The following PCDHGB2 variants were observed in gnomAD, a reference collection of about 807,000 sequenced individuals.
The protein encoded by PCDHGB2 is protocadherin gamma subfamily B, 2.
PCDHGB2 carries 55 observed loss-of-function variants against 59.3 expected under a neutral mutation model. The observed-to-expected ratio is 0.93, with a 90% CI of 0.75 to 1.16. The LOEUF (loss-of-function observed/expected upper bound fraction) is 1.16. Ranked by LOEUF, PCDHGB2 falls within the 50% of genes most tolerant of loss-of-function variation. The pLI is 0.00. For synonymous variants in PCDHGB2, 516 were observed against 512.0 expected (o/e 1.01, Z -0.11); for missense variants, 1,228 against 1,198.5 (o/e 1.02, Z -0.36).
At chr5:141,380,197 G>A (rs1222877039) in intron 1 of PCDHGB2, among the ~76,000 whole-genome samples, 1 of 152,144 alleles carries the variant, frequency 6.6e-6, no homozygotes, top group East Asian at 1.9e-4. Flanking sequence ...ACTGAGCCCG[G>A]CCTGAAAGGC....
chr5:141,433,914 C>A (rs2097664630), intron 1 of PCDHGB2, among the ~76,000 whole-genome samples: 1 of 151,702 alleles, frequency 6.6e-6, no homozygotes, highest in Admixed American at 6.6e-5. Context: ...TTACAATCAC[C>A]TCCAAATGAA....
chr5:141,489,641 C>T lies in PCDHGB2; in HGVS notation c.2422-5166C>T, dbSNP rs1356716387. On this transcript the variant is annotated intron_variant, in intron 1 of 3. Coordinates refer to ENST00000522605, the MANE Select transcript of PCDHGB2 (RefSeq NM_018923.3). This position sits in a 1 kb window ranked among gnomAD's most constrained non-coding sequence, Gnocchi z 4.5. The stretch of plus-strand genomic sequence containing the variant: ...CTCAATGACAACTCTCCTAGCTTTG[C>T]CACCCCTGAGCGAGAGATGCGCATC... The T allele has an allele frequency of 2.5e-6, 4 of 1,614,008 alleles. No individual in the cohort carries two copies. The highest frequency in any genetic ancestry group is 3.4e-6 in the Non-Finnish European group (4 of 1,180,012).
intron 1 of PCDHGB2, among the ~76,000 whole-genome samples, chr5:141,454,900 C>T (rs1411402448): frequency 1.4e-5 from 2 of 145,486 alleles, no homozygotes; most frequent in African/African-American, 2.6e-5. Flanking sequence ...CACCGCCTCC[C>T]GGGTTCACGC....
chr5:141,364,680 A>G (rs751537197), intron 1 of PCDHGB2: 1 of 1,614,008 alleles, frequency 6.2e-7, no homozygotes, highest in Non-Finnish European at 8.5e-7. Flanking sequence ...ATGAAAATTT[A>G]TGGAGTAGAA....
intron 1 of PCDHGB2, chr5:141,421,253 A>G: frequency 6.2e-7 from 1 of 1,607,298 alleles, no homozygotes; most frequent in South Asian, 1.1e-5. Context: ...CAGCGCGGGG[A>G]CCGCAGTCGG....
intron 1 of PCDHGB2, among the ~76,000 whole-genome samples, chr5:141,456,790 C>T (rs1364747385): frequency 6.6e-6 from 1 of 151,976 alleles, no homozygotes; most frequent in Admixed American, 6.6e-5. Flanking sequence ...TGGCAAAACC[C>T]CATCTCTACT....
intron 1 of PCDHGB2, chr5:141,414,552 C>G: frequency 6.2e-7 from 1 of 1,613,984 alleles, no homozygotes; most frequent in Non-Finnish European, 8.5e-7. Context: ...TCTCTCAAGT[C>G]TCCTACTTTA....
intron 1 of PCDHGB2, among the ~76,000 whole-genome samples, chr5:141,462,355 A>T (rs1592773702): frequency 6.6e-6 from 1 of 152,226 alleles, no homozygotes; most frequent in East Asian, 1.9e-4. Context: ...AAAAATATAC[A>T]TTGTATAGTT....
chr5:141,409,178 G>C, intron 1 of PCDHGB2: 1 of 1,613,994 alleles, frequency 6.2e-7, no homozygotes, highest in Non-Finnish European at 8.5e-7. Context: ...GGACGGAGGT[G>C]GTCTCTCTAC....
At position 141,491,067 on chromosome 5, in the gene PCDHGB2, G is replaced by T. The variant is rs752758445; in HGVS notation, c.2422-3740G>T. On this transcript the variant is annotated intron_variant, in intron 1 of 3. Transcript: ENST00000522605. The surrounding 1 kb of genome is among the most constrained non-coding windows in gnomAD (Gnocchi z 6.9). Reference sequence around the variant, plus strand: ...ACAATGCGTGGCTCTCCTACTCACTGTTGCCACAGTCCACAGCCCCAGGAC... The same window carrying T: ...ACAATGCGTGGCTCTCCTACTCACTTTTGCCACAGTCCACAGCCCCAGGAC... 1.2e-6 allele frequency: 2 copies of T among 1,614,200 alleles called. No homozygotes were observed. The highest frequency in any genetic ancestry group is 1.7e-6 in the Non-Finnish European group (2 of 1,180,040).
chr5:141,486,489 G>T lies in PCDHGB2; in HGVS notation c.2422-8318G>T. 2 of 1,614,060 alleles carry T rather than the reference G, an allele frequency of 1.2e-6. No homozygotes were observed. The highest frequency in any genetic ancestry group is 1.7e-6 in the Non-Finnish European group (2 of 1,179,892). ...GGGAACCCTCCTCTCAGTACCCACA[G>T]AACTATTTTCCTCAATATTTCAGAT... On this transcript the variant is annotated intron_variant, in intron 1 of 3. Coordinates refer to ENST00000522605, the MANE Select transcript of PCDHGB2 (RefSeq NM_018923.3). The surrounding 1 kb of genome is among the most constrained non-coding windows in gnomAD (Gnocchi z 5.0).
intron 3 of PCDHGB2, 46 bp from the exon 4 acceptor site, chr5:141,510,901 A>G: frequency 1.9e-6 from 3 of 1,613,412 alleles, no homozygotes; most frequent in African/African-American, 2.7e-5. Flanking sequence ...GTGACTGTTG[A>G]GGACCCTAAG....
Position 141,361,379 on chromosome 5 carries a change from T to C in PCDHGB2, c.1244T>C (p.Ile415Thr). ...VTDGALDREE[I>T]PEYNLTITAT... Reference sequence around the variant, plus strand: ...GACGGCGCTCTGGACCGGGAGGAGATCCCAGAATACAATCTCACCATCACA... The same window carrying C: ...GACGGCGCTCTGGACCGGGAGGAGACCCCAGAATACAATCTCACCATCACA... The change falls in exon 1 of 4, where the codon ATC becomes ACC. Residue 415 changes from isoleucine (I) to threonine (T), a missense_variant. Physicochemically the swap from Ile to Thr is moderately conservative, Grantham distance 89. Around this residue, in one of 3 missense-constraint regions of PCDHGB2, gnomAD observed 781 missense variants for 721.6 expected, o/e 1.08. Coordinates refer to ENST00000522605, the MANE Select transcript of PCDHGB2 (RefSeq NM_018923.3). The C allele has an allele frequency of 6.2e-7, 1 of 1,613,918 alleles. No homozygotes were observed. Among genetic ancestry groups the C allele is most frequent in the South Asian group, 1.1e-5 (1 of 91,084 alleles).
chr5:141,439,310 A>G lies in PCDHGB2; in HGVS notation c.2422-55497A>G, dbSNP rs775009481. ...TCCATGGAAAAAGTAAAGCCCAGGCATGGAAGTGGGAATGGAAAGAAAGAT... is the reference window on the plus strand; with the variant it reads ...TCCATGGAAAAAGTAAAGCCCAGGCGTGGAAGTGGGAATGGAAAGAAAGAT... On this transcript the variant is annotated intron_variant, in intron 1 of 3. Transcript: ENST00000522605. 1.6e-4 allele frequency among the ~76,000 whole-genome samples: 24 copies of G among 152,320 alleles called. No homozygotes were observed. In the South Asian group the frequency reaches 4.1e-3, roughly 26 times the overall value.
Position 141,486,971 on chromosome 5 carries a change from T to G in PCDHGB2, c.2422-7836T>G. ...AAAGGTGACTGCTGTGGACTTGGAT[T>G]CAGGTTACAATGCTTGGGTTTCCTA... On this transcript the variant is annotated intron_variant, in intron 1 of 3. Transcript: ENST00000522605. The surrounding 1 kb of genome is among the most constrained non-coding windows in gnomAD (Gnocchi z 5.0). The G allele has an allele frequency of 6.2e-7, 1 of 1,614,220 alleles. No homozygotes were observed. The highest frequency in any genetic ancestry group is 8.5e-7 in the Non-Finnish European group (1 of 1,180,042).
intron 1 of PCDHGB2, among the ~76,000 whole-genome samples, chr5:141,397,737 C>T (rs2093564219): frequency 6.6e-6 from 1 of 152,164 alleles, no homozygotes. Flanking sequence ...GAGAAAGATA[C>T]CTTAAAGAAG....
At position 141,476,304 on chromosome 5, in the gene PCDHGB2, C is replaced by T. The variant is rs769790423; in HGVS notation, c.2422-18503C>T. On this transcript the variant is annotated intron_variant, in intron 1 of 3. Coordinates refer to ENST00000522605, the MANE Select transcript of PCDHGB2 (RefSeq NM_018923.3). The surrounding 1 kb of genome is among the most constrained non-coding windows in gnomAD (Gnocchi z 7.6). Reference sequence around the variant, plus strand: ...GGTTTGGATCTCGGTAGCCTCTCAGCCCGCAGGTTCCGGGTGGTGTCTGGA... The same window carrying T: ...GGTTTGGATCTCGGTAGCCTCTCAGTCCGCAGGTTCCGGGTGGTGTCTGGA... The T allele has an allele frequency of 6.2e-7, 1 of 1,613,746 alleles. No individual in the cohort carries two copies. Among genetic ancestry groups the T allele is most frequent in the Admixed American group, 1.7e-5 (1 of 59,988 alleles).
intron 1 of PCDHGB2, chr5:141,375,967 G>A (rs200712802): frequency 2.6e-5 from 42 of 1,613,250 alleles, no homozygotes; most frequent in Non-Finnish European, 3.5e-5. Flanking sequence ...AGGTGCGCAC[G>A]GCGCGCGCCC....
chr5:141,489,660 G>A lies in PCDHGB2; in HGVS notation c.2422-5147G>A, dbSNP rs763985085. 3 of 1,614,096 alleles carry A rather than the reference G, an allele frequency of 1.9e-6. No individual in the cohort carries two copies. Among genetic ancestry groups the A allele is most frequent in the Non-Finnish European group, 2.5e-6 (3 of 1,180,036 alleles). On this transcript the variant is annotated intron_variant, in intron 1 of 3. Coordinates refer to ENST00000522605, the MANE Select transcript of PCDHGB2 (RefSeq NM_018923.3). The surrounding 1 kb of genome is among the most constrained non-coding windows in gnomAD (Gnocchi z 4.5). Reference sequence around the variant, plus strand: ...GCTTTGCCACCCCTGAGCGAGAGATGCGCATCTCAGAATCAGCAGCATCTG... The same window carrying A: ...GCTTTGCCACCCCTGAGCGAGAGATACGCATCTCAGAATCAGCAGCATCTG...
Sources: gnomAD v4.1 joint callset for allele counts (sites outside exome capture counted in the v4.1 genomes callset) on GRCh38, gnomAD v4.1.1 for gene constraint, gnomAD v4.1.1 regional missense constraint, Gnocchi (gnomAD v3.1) non-coding constraint, MANE v1.5 for transcripts, NCBI Gene and HGNC (gene_info 2026-07-23, HGNC 2026-07-21) for gene names.